SGCZ: variants seen among roughly 807,000 people sequenced by gnomAD.
The protein encoded by SGCZ is zeta-sarcoglycan.
Under a neutral mutation model 41.3 loss-of-function variants are expected in SGCZ, and 40 were observed. The observed-to-expected ratio is 0.97, with a 90% CI of 0.75 to 1.26. SGCZ has a LOEUF of 1.26. Among genes scored for constraint, SGCZ ranks in the 50% most tolerant of loss-of-function variants. The pLI, the probability that SGCZ is intolerant of heterozygous loss-of-function variation, is 0.00. For synonymous variants in SGCZ, 206 were observed against 137.5 expected, an observed-to-expected ratio of 1.50 and a Z score of -3.49; for missense variants, 552 against 369.8, an observed-to-expected ratio of 1.49 and a Z score of -4.04.
At chr8:14,170,543 G>GAT (rs1228708488) in intron 4 of SGCZ, among the ~76,000 whole-genome samples, 2 of 152,062 alleles carry the variant, frequency 1.3e-5, no homozygotes, top group African/African-American at 4.8e-5. Context: ...AGGTAAAAAT[G>GAT]ATCTCTCTAT....
intron 1 of SGCZ, among the ~76,000 whole-genome samples, chr8:15,183,309 G>T (rs1421643759): frequency 6.6e-6 from 1 of 152,160 alleles, no homozygotes; most frequent in Non-Finnish European, 1.5e-5. Flanking sequence ...CAACACAGTA[G>T]CTTTGTTTAC....
chr8:15,202,017 T>C (rs1292149076), intron 1 of SGCZ, among the ~76,000 whole-genome samples: 2 of 152,194 alleles, frequency 1.3e-5, no homozygotes, highest in African/African-American at 2.4e-5. Context: ...TGCTTTTTCA[T>C]CTTATTTTAG....
chr8:14,803,354 C>G (rs544383238), intron 1 of SGCZ, among the ~76,000 whole-genome samples: 3 of 152,040 alleles, frequency 2.0e-5, no homozygotes, highest in African/African-American at 7.2e-5. Flanking sequence ...ACAGTGGGCG[C>G]AGGTCAGTGG....
intron 1 of SGCZ, among the ~76,000 whole-genome samples, chr8:14,715,543 C>CAA (rs1410319275): frequency 4.4e-5 from 6 of 135,734 alleles, no homozygotes; most frequent in African/African-American, 1.8e-4. Flanking sequence ...ACCACACACA[C>CAA]ACACACACAC....
chr8:14,931,143 T>G lies in SGCZ; in HGVS notation c.39+306442A>C, dbSNP rs1207634497. ...TAGATATTATATTAGCTGCATAATT[T>G]CCTTCATCATTTCAAATTAACTTTT... On this transcript the variant is annotated intron_variant, in intron 1 of 7. Coordinates refer to ENST00000382080, the MANE Select transcript of SGCZ (RefSeq NM_139167.4). Among the ~76,000 whole-genome samples the G allele has an allele frequency of 3.9e-5, 6 of 152,198 alleles. No homozygotes were observed. In the East Asian group the frequency reaches 1.2e-3, roughly 29 times the overall value.
At chr8:15,157,838 A>G (rs1483547826) in intron 1 of SGCZ, among the ~76,000 whole-genome samples, 1 of 152,192 alleles carries the variant, frequency 6.6e-6, no homozygotes, top group Non-Finnish European at 1.5e-5. Context: ...CTTTCTAAAA[A>G]CAAATGTAAA....
chr8:14,165,093 T>C (rs1174134482), intron 4 of SGCZ: 3 of 185,178 alleles, frequency 1.6e-5, no homozygotes, highest in Non-Finnish European at 3.4e-5. Flanking sequence ...ATGCCTTACC[T>C]CTGCAGTGTA....
chr8:14,289,191 A>C (rs1030385627), intron 3 of SGCZ, among the ~76,000 whole-genome samples: 1 of 146,724 alleles, frequency 6.8e-6, no homozygotes, highest in Non-Finnish European at 1.5e-5. Flanking sequence ...AGATATATTA[A>C]TTGAAAATAT....
chr8:14,597,684 C>A (rs1358662132), intron 1 of SGCZ, among the ~76,000 whole-genome samples: 2 of 152,106 alleles, frequency 1.3e-5, no homozygotes, highest in East Asian at 1.9e-4. Flanking sequence ...ACCATGTTGG[C>A]CAGGCTGGTC....
chr8:14,882,143 C>T (rs1399810784), intron 1 of SGCZ, among the ~76,000 whole-genome samples: 2 of 152,192 alleles, frequency 1.3e-5, no homozygotes, highest in Middle Eastern at 3.2e-3. Flanking sequence ...AAATCAGTTT[C>T]TATCTGTAAG....
intron 1 of SGCZ, among the ~76,000 whole-genome samples, chr8:14,774,350 C>T (rs1301682341): frequency 6.6e-6 from 1 of 152,194 alleles, no homozygotes; most frequent in African/African-American, 2.4e-5. Context: ...TATACATACT[C>T]ATCCTATTGA....
At chr8:14,255,714 G>A (rs2117218969) in intron 3 of SGCZ, among the ~76,000 whole-genome samples, 1 of 152,056 alleles carries the variant, frequency 6.6e-6, no homozygotes, top group South Asian at 2.1e-4. Flanking sequence ...GAATGAAAGA[G>A]GTTCAACATT....
At chr8:14,482,477 CAA>C (rs978678003) in intron 2 of SGCZ, among the ~76,000 whole-genome samples, 8 of 152,108 alleles carry the variant, frequency 5.3e-5, no homozygotes, top group African/African-American at 1.9e-4. Context: ...CTCTCAGAAA[CAA>C]AATCATTTTG....
chr8:14,146,998 C>A (rs907308949), intron 5 of SGCZ, among the ~76,000 whole-genome samples: 2 of 150,602 alleles, frequency 1.3e-5, no homozygotes, highest in African/African-American at 4.9e-5. Flanking sequence ...AAAGCCAAGG[C>A]TTAGAGTTTT....
chr8:14,629,233 T>C (rs944002946), intron 1 of SGCZ, among the ~76,000 whole-genome samples: 3 of 152,112 alleles, frequency 2.0e-5, no homozygotes, highest in African/African-American at 7.2e-5. Flanking sequence ...TAGAATGGAG[T>C]TACTAAAAGT....
chr8:14,564,645 T>C (rs1308045458), intron 1 of SGCZ, among the ~76,000 whole-genome samples: 3 of 152,216 alleles, frequency 2.0e-5, no homozygotes, highest in Non-Finnish European at 2.9e-5. Context: ...ACTTAAGTAC[T>C]GTAGAAGTAT....
intron 1 of SGCZ, among the ~76,000 whole-genome samples, chr8:14,626,598 A>T (rs1423227639): frequency 6.6e-6 from 1 of 152,180 alleles, no homozygotes; most frequent in East Asian, 1.9e-4. Context: ...CCCCACTCCA[A>T]CATGACTGAC....
chr8:14,669,194 A>AATATAT lies in SGCZ; in HGVS notation c.40-114274_40-114269dup, dbSNP rs10672041. On this transcript the variant is annotated intron_variant, in intron 1 of 7. Coordinates refer to ENST00000382080, the MANE Select transcript of SGCZ (RefSeq NM_139167.4). Reference sequence around the variant, plus strand: ...TACAAACACACACACACACACTACAAATATATATATATATATAGCTGGGCA... The same window carrying AATATAT: ...TACAAACACACACACACACACTACAAATATATATATATATATATATATAGCTGGGCA... Among the ~76,000 whole-genome samples, 698 of 146,686 alleles carry AATATAT rather than the reference A, an allele frequency of 4.8e-3. 2 individuals are homozygous for AATATAT. Among genetic ancestry groups the AATATAT allele is most frequent in the East Asian group, 0.016 (77 of 4,860 alleles).
intron 3 of SGCZ, among the ~76,000 whole-genome samples, chr8:14,273,327 C>T (rs1458094795): frequency 6.6e-6 from 1 of 152,138 alleles, no homozygotes; most frequent in Non-Finnish European, 1.5e-5. Flanking sequence ...ATATTTCCTT[C>T]CTTTATCATC....
Sources: allele counts gnomAD v4.1 joint callset (sites outside exome capture counted in the v4.1 genomes callset), GRCh38; gene constraint gnomAD v4.1.1; transcripts MANE v1.5; gene names NCBI Gene and HGNC (gene_info 2026-07-23, HGNC 2026-07-21).